Variants in ESYT2 observed in about 807,000 individuals in gnomAD.
The protein encoded by ESYT2 is extended synaptotagmin 2.
A neutral mutation model predicts 107.2 loss-of-function variants in ESYT2; 54 were observed. That is an observed-to-expected ratio of 0.50 (90% confidence interval 0.40 to 0.63). The LOEUF (loss-of-function observed/expected upper bound fraction) is 0.63. Among genes scored for constraint, ESYT2 ranks in the 30% least tolerant of loss-of-function variants. The probability of loss-of-function intolerance (pLI) is 0.00; values close to 1 mark genes in which losing one functional copy is unlikely to be tolerated. For synonymous variants in ESYT2, 491 were observed against 434.1 expected, an observed-to-expected ratio of 1.13 and a Z score of -1.63; for missense variants, 1,020 against 1,094.5, an observed-to-expected ratio of 0.93 and a Z score of 0.96.
At chr7:158,798,914 C>A in intron 2 of ESYT2, 117 bp downstream of exon 2, 2 of 935,560 alleles carry the variant, frequency 2.1e-6, no homozygotes, top group Admixed American at 2.3e-5. Flanking sequence ...AGAAGCCAAC[C>A]CACTAAAGTC....
intron 1 of ESYT2, among the ~76,000 whole-genome samples, chr7:158,820,788 A>T (rs1840266930): frequency 1.3e-5 from 2 of 152,236 alleles, no homozygotes; most frequent in South Asian, 4.1e-4. Flanking sequence ...CTTGTGTCAA[A>T]AAATAAATAA....
At chr7:158,754,722 G>A (rs539926517) in intron 13 of ESYT2, among the ~76,000 whole-genome samples, 257 of 152,166 alleles carry the variant, frequency 1.7e-3, no homozygotes, top group African/African-American at 6.0e-3. Context: ...CACTAGGGTC[G>A]AGGGGACAAG....
chr7:158,741,991 C>CT, intron 17 of ESYT2, 95 bp from the exon 18 acceptor site: 2 of 1,411,686 alleles, frequency 1.4e-6, no homozygotes, highest in South Asian at 1.5e-5. Flanking sequence ...GCAAAAATTT[C>CT]TTTAAAACTT....
intron 3 of ESYT2, among the ~76,000 whole-genome samples, chr7:158,797,548 A>T (rs1317358363): frequency 1.3e-5 from 2 of 152,036 alleles, no homozygotes; most frequent in Non-Finnish European, 1.5e-5. Context: ...CTGAAAAAAA[A>T]AAATTTAAAA....
intron 1 of ESYT2, among the ~76,000 whole-genome samples, chr7:158,803,598 G>A (rs1839708829): frequency 6.6e-6 from 1 of 152,180 alleles, no homozygotes; most frequent in Non-Finnish European, 1.5e-5. Flanking sequence ...ATGAATTAAA[G>A]TCAGCGCAAA....
At chr7:158,741,071 G>A (rs1272961743) in intron 18 of ESYT2, among the ~76,000 whole-genome samples, 1 of 152,160 alleles carries the variant, frequency 6.6e-6, no homozygotes, top group East Asian at 1.9e-4. Flanking sequence ...ACAGACATCC[G>A]AAGACAAACA....
intron 9 of ESYT2, 141 bp downstream of exon 9, chr7:158,764,536 G>T: frequency 1.2e-6 from 1 of 864,358 alleles, no homozygotes; most frequent in Non-Finnish European, 1.8e-6. Flanking sequence ...ACTTTTTAAA[G>T]ATGGGAAATT....
At chr7:158,747,552 C>A (rs1009099333) in intron 16 of ESYT2, among the ~76,000 whole-genome samples, 12 of 152,136 alleles carry the variant, frequency 7.9e-5, no homozygotes, top group African/African-American at 2.9e-4. Context: ...TATCTACCCA[C>A]TAACACCACA....
At position 158,733,021 on chromosome 7, in the gene ESYT2, A is replaced by C. The variant is rs1008685380; in HGVS notation, c.*1186T>G. 1.4e-4 allele frequency: 22 copies of C among 152,240 alleles called. No homozygotes were observed. Among genetic ancestry groups the C allele is most frequent in the African/African-American group, 5.3e-4 (22 of 41,446 alleles). 9.4% of individuals were successfully genotyped at this position (152,240 alleles called of 1,614,324 possible). On this transcript the variant is annotated 3_prime_UTR_variant, in exon 23 of 23. Transcript: ENST00000275418. ...AACAGGATAAAAATTGCATAACAAT[A>C]TCCCAATATTAAGGTCAGTCATGGC...
intron 6 of ESYT2, among the ~76,000 whole-genome samples, chr7:158,783,324 T>C (rs541335192): frequency 1.3e-5 from 2 of 152,264 alleles, no homozygotes; most frequent in South Asian, 2.1e-4. Context: ...ACGTTTACAA[T>C]TCCAGGGCAG....
At chr7:158,759,070 C>T (rs555307602) in intron 13 of ESYT2, among the ~76,000 whole-genome samples, 1 of 152,310 alleles carries the variant, frequency 6.6e-6, no homozygotes, top group Non-Finnish European at 1.5e-5. Context: ...CCCCACGGAT[C>T]GCCAAGGCCC....
chr7:158,807,823 C>A (rs939416159), intron 1 of ESYT2, among the ~76,000 whole-genome samples: 1 of 152,104 alleles, frequency 6.6e-6, no homozygotes, highest in Non-Finnish European at 1.5e-5. Context: ...TTTTCACCTC[C>A]TACAAATTAC....
At position 158,798,096 on chromosome 7, in the gene ESYT2, C is replaced by G; in HGVS notation, c.373-20G>C. Reference sequence around the variant, plus strand: ...TACAGTCTGGAAAGGAAAAAGAACTCAGTTTAAACAAAATGCTATATAATG... The same window carrying G: ...TACAGTCTGGAAAGGAAAAAGAACTGAGTTTAAACAAAATGCTATATAATG... On this transcript the variant is annotated intron_variant, in intron 2 of 22. Coordinates refer to ENST00000275418, the MANE Select transcript of ESYT2 (RefSeq NM_001367773.1). 1 of 1,613,720 alleles carries G rather than the reference C, an allele frequency of 6.2e-7. No individual in the cohort carries two copies.
intron 1 of ESYT2, 65 bp from the exon 2 acceptor site, chr7:158,799,137 G>A: frequency 7.1e-7 from 1 of 1,412,920 alleles, no homozygotes; most frequent in Non-Finnish European, 1.0e-6. Flanking sequence ...ATGTCAAGCA[G>A]GCAATTTCAT....
intron 6 of ESYT2, among the ~76,000 whole-genome samples, chr7:158,787,541 C>T (rs1319037201): frequency 6.6e-6 from 1 of 152,168 alleles, no homozygotes; most frequent in Non-Finnish European, 1.5e-5. Flanking sequence ...ACAAAGTGTT[C>T]AGGAACATGA....
rs536866301 is a variant in ESYT2, at chr7:158,750,625, C to G, written c.1483-902G>C. Among the ~76,000 whole-genome samples, 80 of 152,294 alleles carry G rather than the reference C, an allele frequency of 5.3e-4. 1 individual carries two copies. Among genetic ancestry groups the G allele is most frequent in the South Asian group, 1.4e-3 (7 of 4,832 alleles). On this transcript the variant is annotated intron_variant, in intron 14 of 22. Coordinates refer to ENST00000275418, the MANE Select transcript of ESYT2 (RefSeq NM_001367773.1). ...ATAATCTATTTTCTGGTTCATCTTT[C>G]TGATGTGAATGAATTCTGCAAAATA...
Position 158,744,490 on chromosome 7 carries a change from T to C in ESYT2, c.1645-812A>G, listed in dbSNP as rs369972730. 2.6e-5 allele frequency among the ~76,000 whole-genome samples: 4 copies of C among 152,316 alleles called. No homozygotes were observed. In the East Asian group the frequency reaches 7.7e-4, roughly 29 times the overall value. ...CTAAGTACCTTTTAAGCCTTCTCCA[T>C]TCAAAATCCACATTAAAGAAAATTT... is the stretch of plus-strand genomic sequence containing the variant. On this transcript the variant is annotated intron_variant, in intron 16 of 22. Coordinates refer to ENST00000275418, the MANE Select transcript of ESYT2 (RefSeq NM_001367773.1).
At chr7:158,752,123 C>T (rs924995211) in intron 14 of ESYT2, among the ~76,000 whole-genome samples, 1 of 152,054 alleles carries the variant, frequency 6.6e-6, no homozygotes, top group Non-Finnish European at 1.5e-5. Flanking sequence ...ATTTAAAATT[C>T]CCCACCTCTC....
chr7:158,743,126 C>T (rs1457575329), intron 17 of ESYT2, among the ~76,000 whole-genome samples: 1 of 152,186 alleles, frequency 6.6e-6, no homozygotes, highest in East Asian at 1.9e-4. Flanking sequence ...GTAAGTTCTA[C>T]TGTCTCGTGG....
Sources: gnomAD v4.1 joint callset for allele counts (sites outside exome capture counted in the v4.1 genomes callset) on GRCh38, gnomAD v4.1.1 for gene constraint, MANE v1.5 for transcripts, NCBI Gene and HGNC (gene_info 2026-07-23, HGNC 2026-07-21) for gene names.